NUP160: variants seen among roughly 807,000 people sequenced by gnomAD.
NUP160 encodes the protein nucleoporin 160.
In NUP160, 94 loss-of-function variants were observed where a neutral mutation model predicts 196.9. The observed-to-expected ratio is 0.48, with a 90% CI of 0.40 to 0.57. NUP160 has a LOEUF of 0.57. NUP160 is among the 20% of genes least tolerant of loss of function. The probability of loss-of-function intolerance (pLI) is 0.00; values close to 1 mark genes in which losing one functional copy is unlikely to be tolerated. For synonymous variants in NUP160, 605 were observed against 619.7 expected (o/e 0.98, Z 0.35); for missense variants, 1,638 against 1,748.3 (o/e 0.94, Z 1.13).
rs1462726245 is a variant in NUP160 at position 47,824,042 on chromosome 11, TATATATATATAC to T, written c.1102-1890_1102-1879del. 1.6e-3 allele frequency among the ~76,000 whole-genome samples: 174 copies of T among 110,902 alleles called. 3 individuals are homozygous for T. Among genetic ancestry groups the T allele is most frequent in the African/African-American group, 5.0e-3 (162 of 32,412 alleles). 72.8% of individuals were successfully genotyped at this position (110,902 alleles called of 152,430 possible). ...ATATATATATATATATATATATATA[TATATATATATAC>T]ACACACACATAGAAGTGGAATTTCT... is the stretch of plus-strand genomic sequence containing the variant. On this transcript the variant is annotated intron_variant, in intron 7 of 35. Coordinates refer to ENST00000378460, the Ensembl canonical transcript of NUP160.
chr11:47,825,087 G>A (rs937040816), intron 7 of NUP160, among the ~76,000 whole-genome samples: 7 of 151,868 alleles, frequency 4.6e-5, no homozygotes, highest in Non-Finnish European at 7.4e-5. Flanking sequence ...TGCCCGCCTC[G>A]GCCTCCCAAA....
chr11:47,847,075 C>G (rs1014354373), intron 2 of NUP160, among the ~76,000 whole-genome samples: 4 of 152,176 alleles, frequency 2.6e-5, no homozygotes, highest in Non-Finnish European at 4.4e-5. Context: ...CGAGTCCTGC[C>G]TACCTCTCCA....
intron 15 of NUP160, 84 bp downstream of exon 15, chr11:47,812,798 T>C: frequency 8.9e-7 from 1 of 1,122,170 alleles, no homozygotes; most frequent in East Asian, 2.4e-5. Flanking sequence ...CTGTACGCTC[T>C]GGAACATACA....
At chr11:47,820,685 G>A (rs1031764398) in intron 9 of NUP160, among the ~76,000 whole-genome samples, 2 of 152,080 alleles carry the variant, frequency 1.3e-5, no homozygotes, top group Non-Finnish European at 2.9e-5. Flanking sequence ...CTGAGTAGCT[G>A]GGATTACAGG....
At chr11:47,788,107 C>T (rs576119457) in intron 31 of NUP160, 75 bp downstream of exon 31, 77 of 1,277,118 alleles carry the variant, frequency 6.0e-5, no homozygotes, top group Middle Eastern at 2.2e-4. Context: ...TGGCTTATGA[C>T]GACTGTTTCA....
At chr11:47,836,946 G>A in exon 6 of NUP160, 1 of 1,613,734 alleles carries the variant, frequency 6.2e-7, no homozygotes. Flanking sequence ...AAGGCATCAT[G>A]CTCCACACAA....
chr11:47,786,797 CT>C (rs945543763), intron 31 of NUP160, among the ~76,000 whole-genome samples: 1 of 151,074 alleles, frequency 6.6e-6, no homozygotes, highest in Non-Finnish European at 1.5e-5. Flanking sequence ...TTTTTCTTTT[CT>C]TTTTTTTTGA....
chr11:47,788,467 A>C (rs1327808365), intron 30 of NUP160, 34 bp downstream of exon 30: 1 of 1,584,152 alleles, frequency 6.3e-7, no homozygotes, highest in African/African-American at 1.3e-5. Context: ...CGTGGTGCTG[A>C]CAAGTCAGAG....
At chr11:47,825,759 T>C (rs555736279) in intron 7 of NUP160, among the ~76,000 whole-genome samples, 1 of 152,100 alleles carries the variant, frequency 6.6e-6, no homozygotes, top group South Asian at 2.1e-4. Flanking sequence ...AATTTTTGTA[T>C]TTTTAGTAGA....
At chr11:47,831,892 TCC>T (rs1796490525) in intron 7 of NUP160, among the ~76,000 whole-genome samples, 1 of 103,404 alleles carries the variant, frequency 9.7e-6, no homozygotes, top group East Asian at 3.0e-4. Context: ...TCTAATAAAT[TCC>T]TTTTTTTTTT....
intron 23 of NUP160, among the ~76,000 whole-genome samples, chr11:47,800,291 A>G (rs12789370): frequency 2.0e-4 from 30 of 151,908 alleles, no homozygotes; most frequent in African/African-American, 7.0e-4. Flanking sequence ...TATATAAAGC[A>G]CATAATACTT....
intron 21 of NUP160, 45 bp downstream of exon 21, chr11:47,804,504 T>C: frequency 1.5e-6 from 2 of 1,303,238 alleles, no homozygotes; most frequent in South Asian, 1.4e-5. Flanking sequence ...AGCAATCCCA[T>C]GCTTTACAAG....
chr11:47,795,008 G>A (rs1259746323), intron 27 of NUP160, among the ~76,000 whole-genome samples: 2 of 152,140 alleles, frequency 1.3e-5, no homozygotes, highest in African/African-American at 4.8e-5. Flanking sequence ...GGCTGAGGCA[G>A]GAGAATTGCT....
At chr11:47,835,852 C>T in intron 6 of NUP160, 43 bp from the exon 7 acceptor site, 2 of 1,462,192 alleles carry the variant, frequency 1.4e-6, no homozygotes, top group Non-Finnish European at 1.9e-6. Context: ...AAGGGATATT[C>T]AGGCTAGAAG....
intron 18 of NUP160, among the ~76,000 whole-genome samples, chr11:47,807,835 G>A (rs990836049): frequency 4.0e-5 from 6 of 151,778 alleles, no homozygotes; most frequent in African/African-American, 1.4e-4. Context: ...TAGTACATAA[G>A]TATAATACAT....
In NUP160 at chr11:47,827,615, G is replaced by C. The variant is rs1851997851; in HGVS notation, c.1102-5451C>G. 3.9e-5 allele frequency among the ~76,000 whole-genome samples: 6 copies of C among 152,000 alleles called. No homozygotes were observed. In the South Asian group the frequency reaches 1.2e-3, roughly 32 times the overall value. On this transcript the variant is annotated intron_variant, in intron 7 of 35. Transcript: ENST00000378460. Reference sequence around the variant, plus strand: ...TCCCGGCAACTCTACTCAGAAGGCTGAGGTGGGAGAATCGCTTGAACCAGG... The same window carrying C: ...TCCCGGCAACTCTACTCAGAAGGCTCAGGTGGGAGAATCGCTTGAACCAGG...
intron 15 of NUP160, among the ~76,000 whole-genome samples, chr11:47,812,645 T>C (rs532655688): frequency 6.6e-6 from 1 of 152,206 alleles, no homozygotes; most frequent in Admixed American, 6.5e-5. Flanking sequence ...ACACTTTTGC[T>C]TTTTAGAATT....
chr11:47,789,944 CTTTT>C (rs34563280), intron 29 of NUP160, among the ~76,000 whole-genome samples: 5 of 130,122 alleles, frequency 3.8e-5, no homozygotes, highest in Non-Finnish European at 5.0e-5. Context: ...ATATACTGTA[CTTTT>C]TTTTTTTTTT....
exon 26 of NUP160, chr11:47,798,057 C>A (rs147712305): frequency 2.5e-6 from 4 of 1,578,238 alleles, no homozygotes; most frequent in East Asian, 2.3e-5. Context: ...CACCAACTGC[C>A]GTAAACAATC....
Sources: allele counts gnomAD v4.1 joint callset (sites outside exome capture counted in the v4.1 genomes callset), GRCh38; gene constraint gnomAD v4.1.1; transcripts MANE v1.5; gene names NCBI Gene and HGNC (gene_info 2026-07-23, HGNC 2026-07-21).